The following DCAF8 variants were observed in gnomAD, a reference collection of about 807,000 sequenced individuals.
DCAF8 encodes DDB1- and CUL4-associated factor 8.
A neutral mutation model predicts 68.0 loss-of-function variants in DCAF8; 20 were observed. The ratio of observed to expected loss-of-function variants is 0.29; its 90% CI spans 0.21 to 0.43. The LOEUF (loss-of-function observed/expected upper bound fraction) is 0.43, where lower values mean the gene tolerates loss of function less well. DCAF8 is among the 20% of genes least tolerant of loss of function. The probability of loss-of-function intolerance (pLI) is 1.00; values close to 1 mark genes in which losing one functional copy is unlikely to be tolerated. For missense variants in DCAF8, 460 were observed against 771.0 expected (o/e 0.60, Z 4.78); for synonymous variants, 230 against 276.9 (o/e 0.83, Z 1.68).
chr1:160,237,083 AT>A, intron 6 of DCAF8, 51 bp downstream of exon 6: 1 of 1,292,328 alleles, frequency 7.7e-7, no homozygotes, highest in Non-Finnish European at 1.1e-6. Context: ...CATATGGAAT[AT>A]GTTCAAGGCT....
rs747789970 is a variant in DCAF8 at position 160,240,131 on chromosome 1, C to G, written c.289G>C (p.Asp97His). ...TCCTCTTCCTCTTCCTCTGAGCGGT[C>G]ATGGACTCGATTTTCATCATTAATG... ...YSINDENRVH[D>H]RSEEEEEEEE... is the part of the protein sequence containing the mutation. The change falls in exon 4 of 14, where the codon GAC becomes CAC. Residue 97 changes from aspartate to histidine, a missense_variant. Asp to His is a moderately conservative substitution (Grantham distance 81). Transcript: ENST00000368074. 2 of 1,613,962 alleles carry G rather than the reference C, an allele frequency of 1.2e-6. No homozygotes were observed. The highest frequency in any genetic ancestry group is 1.7e-6 in the Non-Finnish European group (2 of 1,179,914).
At chr1:160,227,296 C>G (rs1450986886) in intron 7 of DCAF8, among the ~76,000 whole-genome samples, 1 of 152,166 alleles carries the variant, frequency 6.6e-6, no homozygotes, top group Non-Finnish European at 1.5e-5. Flanking sequence ...GAGAAAAAGA[C>G]TTGAAAAGTA....
intron 10 of DCAF8, among the ~76,000 whole-genome samples, chr1:160,224,078 G>A (rs566510416): frequency 6.6e-6 from 1 of 152,238 alleles, no homozygotes; most frequent in African/African-American, 2.4e-5. Context: ...CTTCCTAGAG[G>A]TATAAGGTCA....
chr1:160,230,800 G>A (rs1170572058), intron 7 of DCAF8, among the ~76,000 whole-genome samples: 2 of 150,990 alleles, frequency 1.3e-5, no homozygotes, highest in Non-Finnish European at 2.9e-5. Flanking sequence ...CATTCAGGCT[G>A]GAGTGCAGTG....
At chr1:160,255,046 A>C (rs1372242644) in intron 2 of DCAF8, among the ~76,000 whole-genome samples, 3 of 152,214 alleles carry the variant, frequency 2.0e-5, no homozygotes, top group Admixed American at 6.5e-5. Flanking sequence ...ATACCAGACT[A>C]CATTTCCTAG....
intron 2 of DCAF8, among the ~76,000 whole-genome samples, chr1:160,252,590 C>A (rs188587754): frequency 8.5e-5 from 13 of 152,086 alleles, no homozygotes; most frequent in African/African-American, 3.1e-4. Flanking sequence ...GGCAGTCAGG[C>A]ATCAGAGAAA....
Position 160,240,066 on chromosome 1 carries a change from T to C in DCAF8, c.354A>G (p.Val118=), listed in dbSNP as rs1656043340. The C allele has an allele frequency of 3.1e-6, 5 of 1,614,258 alleles. No homozygotes were observed. Among genetic ancestry groups the C allele is most frequent in the Non-Finnish European group, 4.2e-6 (5 of 1,180,046 alleles). Residue 118 remains valine (V), a synonymous_variant, in exon 4 of 14, where the codon GTA becomes GTG. Coordinates refer to ENST00000368074, the MANE Select transcript of DCAF8 (RefSeq NM_015726.4). ...EEEEEQPRRR[V]QRKRANRDQD... The stretch of plus-strand genomic sequence containing the variant: ...GGTCACGGTTAGCCCGCTTGCGCTG[T>C]ACACGGCGCCGAGGCTGCTCTTCTT...
chr1:160,231,430 A>G (rs1655680015), intron 6 of DCAF8, 23 bp from the exon 7 acceptor site: 1 of 1,564,244 alleles, frequency 6.4e-7, no homozygotes, highest in Non-Finnish European at 8.8e-7. Context: ...AAAAGCACAG[A>G]AAGTTATATA....
rs184939709 is a variant in DCAF8 at position 160,215,896 on chromosome 1, G to A, written c.*1696C>T. 5 of 152,038 alleles carry A rather than the reference G, an allele frequency of 3.3e-5. No individual in the cohort carries two copies. In the East Asian group the frequency reaches 9.7e-4, roughly 29 times the overall value. The allele number at this position is 152,038 out of a possible 1,614,324, so 9.4% of individuals were successfully genotyped here. On this transcript the variant is annotated 3_prime_UTR_variant, in exon 14 of 14. Transcript: ENST00000368074. ...TCTGGTCTCAGAGCTGCTGGGAAAA[G>A]GGGCAGGAGGAAGAAGTATCTGGGA...
At chr1:160,236,420 A>ATG (rs1013519530) in intron 6 of DCAF8, among the ~76,000 whole-genome samples, 9 of 151,418 alleles carry the variant, frequency 5.9e-5, no homozygotes, top group African/African-American at 1.9e-4. Flanking sequence ...GTGTGTATAT[A>ATG]TGTGTGTGTG....
chr1:160,245,249 C>A (rs902214073), intron 2 of DCAF8, among the ~76,000 whole-genome samples: 1 of 152,184 alleles, frequency 6.6e-6, no homozygotes, highest in Admixed American at 6.5e-5. Flanking sequence ...CTCACTGCCA[C>A]CTCCAGTAAA....
In DCAF8 at chr1:160,243,787, A is replaced by C. The variant is rs545173338; in HGVS notation, c.49+173T>G. The stretch of plus-strand genomic sequence containing the variant: ...GAAAATGATCAGATAAAATCAGAAG[A>C]AGCAAAAGCATAATATAGTCCAAGG... On this transcript the variant is annotated intron_variant, in intron 3 of 13. Transcript: ENST00000368074. Among the ~76,000 whole-genome samples, 10 of 152,364 alleles carry C rather than the reference A, an allele frequency of 6.6e-5. No individual in the cohort carries two copies. The East Asian group carries it at 1.2e-3, about 18-fold the overall frequency.
chr1:160,248,027 T>A (rs1656410288), intron 2 of DCAF8, among the ~76,000 whole-genome samples: 1 of 152,186 alleles, frequency 6.6e-6, no homozygotes. Context: ...TTCTGATAAA[T>A]CTGAGCGGTG....
chr1:160,243,689 G>T (rs1475669904), intron 3 of DCAF8, among the ~76,000 whole-genome samples: 1 of 152,064 alleles, frequency 6.6e-6, no homozygotes, highest in East Asian at 1.9e-4. Context: ...CCTAGGTTCT[G>T]CCCATCCTTA....
intron 7 of DCAF8, 59 bp from the exon 8 acceptor site, chr1:160,225,722 G>T: frequency 7.2e-7 from 1 of 1,387,964 alleles, no homozygotes; most frequent in Non-Finnish European, 1.0e-6. Context: ...TTGAAGAGCT[G>T]CAATTTGATG....
intron 7 of DCAF8, 78 bp from the exon 8 acceptor site, chr1:160,225,741 G>A: frequency 1.7e-6 from 2 of 1,171,922 alleles, no homozygotes; most frequent in Non-Finnish European, 1.3e-6. Flanking sequence ...TGTAGTGGCA[G>A]GAAACTGCCA....
intron 5 of DCAF8, 30 bp downstream of exon 5, chr1:160,238,577 G>A (rs199646617): frequency 4.9e-5 from 77 of 1,571,578 alleles, no homozygotes; most frequent in Non-Finnish European, 6.1e-5. Context: ...GATTTGGATT[G>A]CACAAATTTT....
intron 2 of DCAF8, among the ~76,000 whole-genome samples, chr1:160,253,148 A>C (rs761858602): frequency 1.3e-5 from 2 of 152,182 alleles, no homozygotes; most frequent in African/African-American, 2.4e-5. Context: ...CAGAGAGAAA[A>C]ATTGAGAAGA....
At position 160,216,503 on chromosome 1, in the gene DCAF8, C is replaced by T. The variant is rs1377828636; in HGVS notation, c.*1089G>A. ...GAGCTGAGAGGAATTTCCTGTTTTT[C>T]CCAACCCCTACACCAAAGCAGGGAA... On this transcript the variant is annotated 3_prime_UTR_variant, in exon 14 of 14. Transcript: ENST00000368074. 2 of 152,516 alleles carry T rather than the reference C, an allele frequency of 1.3e-5. No individual in the cohort carries two copies. Among genetic ancestry groups the T allele is most frequent in the Non-Finnish European group, 2.9e-5 (2 of 68,038 alleles). The allele number at this position is 152,516 out of a possible 1,614,324, so 9.4% of individuals were successfully genotyped here. A position where few individuals can be genotyped will look rare whatever the true frequency, so the allele number is the denominator to read the frequency against.
Sources: allele counts gnomAD v4.1 joint callset (sites outside exome capture counted in the v4.1 genomes callset), GRCh38; gene constraint gnomAD v4.1.1; transcripts MANE v1.5; gene names NCBI Gene and HGNC (gene_info 2026-07-23, HGNC 2026-07-21).